Variants in LRCH4 observed in about 807,000 individuals in gnomAD.
The protein encoded by LRCH4 is leucine rich repeats and calponin homology domain containing 4.
A neutral mutation model predicts 81.2 loss-of-function variants in LRCH4; 56 were observed. The ratio of observed to expected loss-of-function variants is 0.69; its 90% CI spans 0.56 to 0.86. The LOEUF is 0.86. LRCH4 is among the 40% of genes least tolerant of loss of function. LRCH4 has a pLI of 0.00. For missense variants in LRCH4, 895 were observed against 922.8 expected (o/e 0.97, Z 0.39); for synonymous variants, 442 against 409.7 (o/e 1.08, Z -0.95).
chr7:100,577,751 C>T lies in LRCH4; in HGVS notation c.1040-11G>A, dbSNP rs376524968. Reference sequence around the variant, plus strand: ...CAGGGTCTCCGTCCGCTGGGGAGGCCAGCATGTCAGCAAGTGAGCGGGGAC... The same window carrying T: ...CAGGGTCTCCGTCCGCTGGGGAGGCTAGCATGTCAGCAAGTGAGCGGGGAC... On this transcript the variant is annotated splice_polypyrimidine_tract_variant and intron_variant, in intron 8 of 17. Coordinates refer to ENST00000310300, the MANE Select transcript of LRCH4 (RefSeq NM_002319.5). The surrounding 1 kb of genome is among the most constrained non-coding windows in gnomAD (Gnocchi z 6.7). 10 of 1,613,982 alleles carry T rather than the reference C, an allele frequency of 6.2e-6. No homozygotes were observed. The highest frequency in any genetic ancestry group is 1.7e-5 in the Admixed American group (1 of 60,010).
In LRCH4 at chr7:100,575,375, C is replaced by T. The variant is rs959659220; in HGVS notation, c.1855-71G>A. The T allele has an allele frequency of 4.4e-6, 6 of 1,362,640 alleles. No individual in the cohort carries two copies. The Admixed American group carries it at 1.3e-4, about 29-fold the overall frequency. 84.4% of individuals were successfully genotyped at this position (1,362,640 alleles called of 1,614,324 possible). A position where few individuals can be genotyped will look rare whatever the true frequency, so the allele number is the denominator to read the frequency against. ...AGCAGCAGCAGCAGGACAGTCCCTC[C>T]CACCCCTGCCCTCACGTGCTGGGGC... On this transcript the variant is annotated intron_variant, in intron 17 of 17. Coordinates refer to ENST00000310300, the MANE Select transcript of LRCH4 (RefSeq NM_002319.5). This position sits in a 1 kb window ranked among gnomAD's most constrained non-coding sequence, Gnocchi z 5.3.
intron 4 of LRCH4, chr7:100,581,550 G>A (rs1470962980): frequency 1.1e-5 from 5 of 475,982 alleles, no homozygotes; most frequent in African/African-American, 8.0e-5. Flanking sequence ...TCTGCTCTCC[G>A]CCATCGGAGA....
chr7:100,579,135 A>G (rs1050954387), intron 4 of LRCH4: 5 of 311,048 alleles, frequency 1.6e-5, no homozygotes, highest in African/African-American at 1.1e-4. Context: ...TGATCAGCAC[A>G]AGGCACAAAC....
chr7:100,578,765 A>G lies in LRCH4; in HGVS notation c.620T>C (p.Val207Ala). The change falls in exon 5 of 18, where the codon GTC (valine) becomes GCC (alanine). Residue 207 changes from valine to alanine, a missense_variant. Physicochemically the swap from Val to Ala is moderately conservative, Grantham distance 64. This residue lies in a region of LRCH4 where 360 missense variants were observed against 397.0 expected (regional missense o/e 0.91). Transcript: ENST00000310300. This position sits in a 1 kb window ranked among gnomAD's most constrained non-coding sequence, Gnocchi z 5.7. The part of the protein sequence containing the change: ...LPEELGDLPL[V>A]RLDFSCNRVS... ...GCGGTTACAGGAGAAATCCAGGCGG[A>G]CCAGAGGGAGGTCCCCCAGCTCTGG... is the stretch of plus-strand genomic sequence containing the variant. 1 of 1,613,614 alleles carries G rather than the reference A, an allele frequency of 6.2e-7. No homozygotes were observed. The highest frequency in any genetic ancestry group is 2.2e-5 in the East Asian group (1 of 44,870).
At position 100,577,107 on chromosome 7, in the gene LRCH4, ACGG is replaced by A; in HGVS notation, c.1340_1342del (p.Ala447del). ...CTACTTGTGCATGGCTTGAGTGGAC[ACGG>A]CGGCGGCCCCTCCCACAACAGCCCT... is the stretch of plus-strand genomic sequence containing the variant. On this transcript the variant is annotated inframe_deletion, in exon 12 of 18. Transcript: ENST00000310300. This position sits in a 1 kb window ranked among gnomAD's most constrained non-coding sequence, Gnocchi z 6.7. The A allele has an allele frequency of 6.2e-7, 1 of 1,614,090 alleles. No homozygotes were observed. The highest frequency in any genetic ancestry group is 8.5e-7 in the Non-Finnish European group (1 of 1,179,990).
chr7:100,584,149 A>AGG (rs1384123543), intron 1 of LRCH4: 1 of 456,138 alleles, frequency 2.2e-6, no homozygotes, highest in Non-Finnish European at 4.4e-6. Context: ...CCGGGCAGCA[A>AGG]GGCACTGATG....
chr7:100,582,527 C>T lies in LRCH4; in HGVS notation c.221-68G>A, dbSNP rs893581219. On this transcript the variant is annotated intron_variant, in intron 1 of 17. Transcript: ENST00000310300. The surrounding 1 kb of genome is among the most constrained non-coding windows in gnomAD (Gnocchi z 5.0). The stretch of plus-strand genomic sequence containing the variant: ...GCCCGGACAGGACCTTCAGTCCCCC[C>T]AGAGCCGGCTGCCCACTCCCTCACC... The T allele has an allele frequency of 6.6e-6, 10 of 1,515,234 alleles. No individual in the cohort carries two copies. Among genetic ancestry groups the T allele is most frequent in the African/African-American group, 2.7e-5 (2 of 72,932 alleles). 93.9% of individuals were successfully genotyped at this position (1,515,234 alleles called of 1,614,324 possible). A position where few individuals can be genotyped will look rare whatever the true frequency, so the allele number is the denominator to read the frequency against.
intron 1 of LRCH4, among the ~76,000 whole-genome samples, chr7:100,584,454 G>A (rs1412315189): frequency 6.6e-6 from 1 of 152,000 alleles, no homozygotes; most frequent in East Asian, 1.9e-4. Context: ...GGAGGGGCCG[G>A]GGAGCTCCGG....
At position 100,577,209 on chromosome 7, in the gene LRCH4, G is replaced by A. The variant is rs1419307183; in HGVS notation, c.1296-55C>T. 6.2e-7 allele frequency: 1 copy of A among 1,609,824 alleles called. No homozygotes were observed. Among genetic ancestry groups the A allele is most frequent in the Non-Finnish European group, 8.5e-7 (1 of 1,179,210 alleles). ...CCCCAAGGCAGAACGGCTCAGCGGG[G>A]CTCGGTGGCCCCATTTCCAGGGCTC... On this transcript the variant is annotated intron_variant, in intron 11 of 17. Coordinates refer to ENST00000310300, the MANE Select transcript of LRCH4 (RefSeq NM_002319.5). This position sits in a 1 kb window ranked among gnomAD's most constrained non-coding sequence, Gnocchi z 6.7.
Position 100,578,311 on chromosome 7 carries a change from ATCC to A in LRCH4, c.849-56_849-54del. On this transcript the variant is annotated intron_variant, in intron 6 of 17. Transcript: ENST00000310300. The surrounding 1 kb of genome is among the most constrained non-coding windows in gnomAD (Gnocchi z 5.7). ...GCCTGATGCTGGACAACAGCCCCCCATCCTCCTGCCAGAAAGCAGGGGGTGCCT... is the reference window on the plus strand; with the variant it reads ...GCCTGATGCTGGACAACAGCCCCCCATCCTGCCAGAAAGCAGGGGGTGCCT... 1 of 1,601,732 alleles carries A rather than the reference ATCC, an allele frequency of 6.2e-7. No homozygotes were observed. The highest frequency in any genetic ancestry group is 8.6e-7 in the Non-Finnish European group (1 of 1,168,912).
At chr7:100,585,731 G>A (rs1049741871) in intron 1 of LRCH4, 150 bp downstream of exon 1, 9 of 743,650 alleles carry the variant, frequency 1.2e-5, no homozygotes, top group Non-Finnish European at 1.6e-5. Context: ...AAAGATGGGA[G>A]AGGATGGCTG....
rs1801371751 is a variant in LRCH4, at chr7:100,576,696, G to A, written c.1550C>T (p.Ser517Leu). Residue 517 changes from serine to leucine, a missense_variant and splice_region_variant, in exon 14 of 18, where the codon TCA becomes TTA. Physicochemically the swap from Ser to Leu is moderately radical, Grantham distance 145. Transcript: ENST00000310300. ...ACTGGGGAGGGCAGGACACCCACCT[G>A]AGCCACTCTGAGAGGAGGAACGGAA... is the stretch of plus-strand genomic sequence containing the variant. ...FLFRSSSQSGSGPSSPDSVLR... is the reference protein window; with the variant it reads ...FLFRSSSQSGLGPSSPDSVLR... The A allele has an allele frequency of 1.3e-6, 2 of 1,586,896 alleles. No individual in the cohort carries two copies. The highest frequency in any genetic ancestry group is 1.7e-6 in the Non-Finnish European group (2 of 1,166,548).
chr7:100,584,001 T>TC, intron 1 of LRCH4: 1 of 367,634 alleles, frequency 2.7e-6, no homozygotes, highest in South Asian at 2.0e-5. Flanking sequence ...AGATGGCCCC[T>TC]CCCCGCCACC....
chr7:100,582,074 A>G lies in LRCH4; in HGVS notation c.459T>C (p.Pro153=). 3 of 1,611,244 alleles carry G rather than the reference A, an allele frequency of 1.9e-6. No homozygotes were observed. Among genetic ancestry groups the G allele is most frequent in the South Asian group, 1.1e-5 (1 of 90,988 alleles). Residue 153 remains proline, a synonymous_variant, in exon 3 of 18, where the codon CCT becomes CCC. Coordinates refer to ENST00000310300, the MANE Select transcript of LRCH4 (RefSeq NM_002319.5). This position sits in a 1 kb window ranked among gnomAD's most constrained non-coding sequence, Gnocchi z 5.0. The part of the protein sequence containing the change: ...VSNNKLGALP[P]DIGTLGSLRQ... ...GCAGGCTTCCCAGGGTGCCGATGTC[A>G]GGGGGCAGGGCTCCCAGCTTGTTGT...
At chr7:100,580,579 ACAC>A (rs1176530825) in intron 4 of LRCH4, 1 of 152,066 alleles carries the variant, frequency 6.6e-6, no homozygotes, top group African/African-American at 2.4e-5. Context: ...CATACAACAC[ACAC>A]AACACAGACC....
chr7:100,582,478 C>CT lies in LRCH4; in HGVS notation c.221-20_221-19insA. ...GACAGGTCTGGGGAAAAGGAGGTGT[C>CT]GGGGAGAGTTGCGGAAAGGCCCAGC... is the stretch of plus-strand genomic sequence containing the variant. On this transcript the variant is annotated intron_variant, in intron 1 of 17. Transcript: ENST00000310300. The surrounding 1 kb of genome is among the most constrained non-coding windows in gnomAD (Gnocchi z 5.0). The CT allele has an allele frequency of 6.2e-7, 1 of 1,601,568 alleles. No homozygotes were observed. The highest frequency in any genetic ancestry group is 8.5e-7 in the Non-Finnish European group (1 of 1,179,282).
At position 100,582,598 on chromosome 7, in the gene LRCH4, G is replaced by C; in HGVS notation, c.221-139C>G. 2 of 859,936 alleles carry C rather than the reference G, an allele frequency of 2.3e-6. No individual in the cohort carries two copies. The highest frequency in any genetic ancestry group is 3.6e-6 in the Non-Finnish European group (2 of 560,592). The allele number at this position is 859,936 out of a possible 1,614,324, so 53.3% of individuals were successfully genotyped here. On this transcript the variant is annotated intron_variant, in intron 1 of 17. Coordinates refer to ENST00000310300, the MANE Select transcript of LRCH4 (RefSeq NM_002319.5). The surrounding 1 kb of genome is among the most constrained non-coding windows in gnomAD (Gnocchi z 5.0). ...GCCATCAATGTGGCCTCCCAGGAGA[G>C]ATAACAAAGCCTTCTGCCAACGGGA...
chr7:100,582,720 A>G lies in LRCH4; in HGVS notation c.221-261T>C, dbSNP rs1801599573. Among the ~76,000 whole-genome samples, 1 of 152,226 alleles carries G rather than the reference A, an allele frequency of 6.6e-6. No individual in the cohort carries two copies. Among genetic ancestry groups the G allele is most frequent in the Non-Finnish European group, 1.5e-5 (1 of 68,032 alleles). ...CAGACTTGGGGGTTGGGGAATGTCA[A>G]TGGAGGGCTATCCTGGAGAGCAGCT... On this transcript the variant is annotated intron_variant, in intron 1 of 17. Transcript: ENST00000310300. This position sits in a 1 kb window ranked among gnomAD's most constrained non-coding sequence, Gnocchi z 5.0.
Position 100,577,098 on chromosome 7 carries a change from T to G in LRCH4, c.1352A>C (p.Gln451Pro). 6.2e-7 allele frequency: 1 copy of G among 1,614,028 alleles called. No individual in the cohort carries two copies. The highest frequency in any genetic ancestry group is 1.1e-5 in the South Asian group (1 of 91,080). The change falls in exon 12 of 18, where the codon CAA (glutamine) becomes CCA (proline). Residue 451 changes from glutamine to proline, a missense_variant. By Grantham distance (76) the Gln-to-Pro change is moderately conservative. Around this residue, in one of 3 missense-constraint regions of LRCH4, gnomAD observed 529 missense variants for 504.9 expected, o/e 1.05. Transcript: ENST00000310300. The surrounding 1 kb of genome is among the most constrained non-coding windows in gnomAD (Gnocchi z 6.7). ...VVGGAAAVST[Q>P]AMHNGSPKSS... ...GCAGGAAACCTACTTGTGCATGGCT[T>G]GAGTGGACACGGCGGCGGCCCCTCC...
Sources: gnomAD v4.1 joint callset for allele counts (sites outside exome capture counted in the v4.1 genomes callset) on GRCh38, gnomAD v4.1.1 for gene constraint, gnomAD v4.1.1 regional missense constraint, Gnocchi (gnomAD v3.1) non-coding constraint, MANE v1.5 for transcripts, NCBI Gene and HGNC (gene_info 2026-07-23, HGNC 2026-07-21) for gene names.